IBTK: variants seen among roughly 807,000 people sequenced by gnomAD.
IBTK encodes inhibitor of Bruton tyrosine kinase.
In IBTK, 83 loss-of-function variants were observed where a neutral mutation model predicts 154.9. That is an observed-to-expected ratio of 0.54 (90% CI 0.45 to 0.64). The LOEUF is 0.64. IBTK is among the 30% of genes least tolerant of loss of function. IBTK has a pLI of 0.00. For missense variants in IBTK, 1,332 were observed against 1,584.6 expected, an observed-to-expected ratio of 0.84 and a Z score of 2.71; for synonymous variants, 515 against 536.1, an observed-to-expected ratio of 0.96 and a Z score of 0.54.
intron 3 of IBTK, among the ~76,000 whole-genome samples, chr6:82,232,891 G>A (rs1256397511): frequency 3.3e-5 from 5 of 152,116 alleles, no homozygotes; most frequent in Non-Finnish European, 4.4e-5. Context: ...AGTGGTTCAT[G>A]CCTGTAATCC....
chr6:82,194,940 A>G (rs1768924639), intron 22 of IBTK, among the ~76,000 whole-genome samples: 1 of 152,232 alleles, frequency 6.6e-6, no homozygotes, highest in Non-Finnish European at 1.5e-5. Context: ...AGTTGTACAA[A>G]TAAGACATGA....
At chr6:82,237,762 T>C (rs1225056106) in intron 2 of IBTK, among the ~76,000 whole-genome samples, 1 of 151,452 alleles carries the variant, frequency 6.6e-6, no homozygotes, top group Non-Finnish European at 1.5e-5. Flanking sequence ...TACTATATAA[T>C]AAAAATTATT....
chr6:82,232,057 TTG>T (rs1770527269), intron 3 of IBTK, among the ~76,000 whole-genome samples: 1 of 108,792 alleles, frequency 9.2e-6, no homozygotes, highest in Non-Finnish European at 1.9e-5. Context: ...TTTTTTTTTG[TTG>T]TTGTTTTTTT....
At chr6:82,202,363 G>C (rs9449447) in intron 18 of IBTK, among the ~76,000 whole-genome samples, 165 bp downstream of exon 18, 36,246 of 151,944 alleles carry the variant, frequency 0.24, 4,380 homozygotes, top group African/African-American at 0.28. Flanking sequence ...GTTTTCAAGA[G>C]CTCTCTAATT....
intron 21 of IBTK, among the ~76,000 whole-genome samples, chr6:82,197,431 C>G (rs901044642): frequency 6.9e-6 from 1 of 143,950 alleles, no homozygotes; most frequent in Non-Finnish European, 1.5e-5. Context: ...AGTGCGGTGG[C>G]ATGATCTCAG....
At chr6:82,202,099 T>C (rs1380973048) in intron 18 of IBTK, among the ~76,000 whole-genome samples, 2 of 152,126 alleles carry the variant, frequency 1.3e-5, no homozygotes, top group Non-Finnish European at 2.9e-5. Flanking sequence ...ATTAACTAAA[T>C]GAATCTATGT....
intron 21 of IBTK, among the ~76,000 whole-genome samples, chr6:82,198,243 G>T (rs1018844625): frequency 2.0e-5 from 3 of 152,082 alleles, no homozygotes; most frequent in Non-Finnish European, 4.4e-5. Flanking sequence ...TGACTGGAAA[G>T]TCATTACTTT....
intron 3 of IBTK, among the ~76,000 whole-genome samples, chr6:82,232,465 A>G (rs1770545822): frequency 6.6e-6 from 1 of 152,240 alleles, no homozygotes; most frequent in Non-Finnish European, 1.5e-5. Flanking sequence ...ATCACAGCTA[A>G]GTTCATGATA....
intron 11 of IBTK, among the ~76,000 whole-genome samples, chr6:82,215,800 A>G (rs1302697720): frequency 1.3e-5 from 2 of 150,794 alleles, no homozygotes; most frequent in Non-Finnish European, 3.0e-5. Context: ...AAAAAAAAAA[A>G]GAAAGACAAT....
rs140484164 is a variant in IBTK, at chr6:82,181,022, G to A, written c.3725+857C>T. 3.6e-4 allele frequency among the ~76,000 whole-genome samples: 55 copies of A among 152,296 alleles called. 1 individual carries two copies. The highest frequency in any genetic ancestry group is 1.2e-3 in the African/African-American group (51 of 41,560). On this transcript the variant is annotated intron_variant, in intron 26 of 28. Coordinates refer to ENST00000306270, the MANE Select transcript of IBTK (RefSeq NM_015525.4). ...AAATACTGCTTTTAAATTATAGATA[G>A]ATTTTGATGTTTCATGTAGGCATTT...
In IBTK at chr6:82,224,119, G is replaced by A; in HGVS notation, c.892C>T (p.Leu298=). Residue 298 remains leucine, a synonymous_variant, in exon 7 of 29, where the codon CTA becomes TTA. Coordinates refer to ENST00000306270, the MANE Select transcript of IBTK (RefSeq NM_015525.4). ...GVAAGRFHTV[L]WTREAVYTMG... is the part of the protein sequence containing the mutation. Reference sequence around the variant, plus strand: ...GTGTAAACAGCTTCTCTAGTCCATAGGACTGTATGAAACCTGCCTGCTGCA... The same window carrying A: ...GTGTAAACAGCTTCTCTAGTCCATAAGACTGTATGAAACCTGCCTGCTGCA... 1 of 1,613,788 alleles carries A rather than the reference G, an allele frequency of 6.2e-7. No individual in the cohort carries two copies. The highest frequency in any genetic ancestry group is 1.3e-5 in the African/African-American group (1 of 75,032).
chr6:82,214,136 T>C, intron 12 of IBTK, 91 bp downstream of exon 12: 2 of 1,267,840 alleles, frequency 1.6e-6, no homozygotes, highest in Admixed American at 2.3e-5. Flanking sequence ...TTTGTATTTT[T>C]AGTAGAGATG....
At chr6:82,174,245 G>A (rs571688433) in intron 26 of IBTK, among the ~76,000 whole-genome samples, 2 of 152,210 alleles carry the variant, frequency 1.3e-5, no homozygotes, top group Non-Finnish European at 2.9e-5. Flanking sequence ...CATTTATTGA[G>A]CATGTCAGGA....
rs573411047 is a variant in IBTK at position 82,195,862 on chromosome 6, T to C, written c.3174+436A>G. Among the ~76,000 whole-genome samples the C allele has an allele frequency of 2.6e-5, 4 of 152,284 alleles. No individual in the cohort carries two copies. The South Asian group carries it at 8.3e-4, about 32-fold the overall frequency. On this transcript the variant is annotated intron_variant, in intron 22 of 28. Transcript: ENST00000306270. ...TAGATTAGGAGAAGAACTCAAATCA[T>C]TTCCAAATTGTTTTGCTCCAGTTAA...
At chr6:82,241,501 A>G (rs1376432276) in intron 1 of IBTK, among the ~76,000 whole-genome samples, 3 of 152,222 alleles carry the variant, frequency 2.0e-5, no homozygotes, top group Non-Finnish European at 4.4e-5. Flanking sequence ...CTGGATAGCT[A>G]TCTTTAAAAA....
intron 4 of IBTK, among the ~76,000 whole-genome samples, chr6:82,229,766 C>T (rs995306271): frequency 6.6e-6 from 1 of 152,114 alleles, no homozygotes; most frequent in Non-Finnish European, 1.5e-5. Context: ...TCCTAAGTTC[C>T]CTCCACATCT....
At chr6:82,196,572 T>C in intron 21 of IBTK, 126 bp from the exon 22 acceptor site, 1 of 481,894 alleles carries the variant, frequency 2.1e-6, no homozygotes, top group Non-Finnish European at 3.4e-6. Flanking sequence ...ATTATATTTA[T>C]GGTATAAAAA....
At chr6:82,200,276 T>C in intron 20 of IBTK, 23 bp from the exon 21 acceptor site, 1 of 1,538,116 alleles carries the variant, frequency 6.5e-7, no homozygotes, top group South Asian at 1.1e-5. Flanking sequence ...AAACATAATT[T>C]CAGCAGTGTT....
At chr6:82,241,157 C>A (rs1770936078) in intron 1 of IBTK, among the ~76,000 whole-genome samples, 1 of 151,862 alleles carries the variant, frequency 6.6e-6, no homozygotes, top group Non-Finnish European at 1.5e-5. Flanking sequence ...TCCATTTTTC[C>A]ACTCTCATGT....
Sources: allele counts gnomAD v4.1 joint callset (sites outside exome capture counted in the v4.1 genomes callset), GRCh38; gene constraint gnomAD v4.1.1; transcripts MANE v1.5; gene names NCBI Gene and HGNC (gene_info 2026-07-23, HGNC 2026-07-21).